The following NIBAN1 variants were observed in gnomAD, a reference collection of about 807,000 sequenced individuals.
NIBAN1 encodes protein Niban 1.
Under a neutral mutation model 75.1 loss-of-function variants are expected in NIBAN1, and 81 were observed. The ratio of observed to expected loss-of-function variants is 1.08; its 90% CI spans 0.90 to 1.30. NIBAN1 has a LOEUF of 1.30. NIBAN1 is among the 50% of genes most tolerant of loss of function. NIBAN1 has a pLI of 0.00. For missense variants in NIBAN1, 1,133 were observed against 1,128.1 expected, an observed-to-expected ratio of 1.00 and a Z score of -0.06; for synonymous variants, 436 against 424.8, an observed-to-expected ratio of 1.03 and a Z score of -0.32.
intron 6 of NIBAN1, among the ~76,000 whole-genome samples, chr1:184,829,301 C>T (rs1654930622): frequency 6.6e-6 from 1 of 152,088 alleles, no homozygotes; most frequent in African/African-American, 2.4e-5. Flanking sequence ...CACATATGTG[C>T]CTTGTCTTCT....
At chr1:184,944,584 A>G (rs1394386635) in intron 1 of NIBAN1, among the ~76,000 whole-genome samples, 2 of 152,254 alleles carry the variant, frequency 1.3e-5, no homozygotes, top group East Asian at 3.8e-4. Flanking sequence ...TGTCATGAGG[A>G]CAAGAACATC....
At chr1:184,808,332 A>G in intron 9 of NIBAN1, 97 bp from the exon 10 acceptor site, 1 of 1,243,816 alleles carries the variant, frequency 8.0e-7, no homozygotes, top group Non-Finnish European at 1.1e-6. Flanking sequence ...AATCAAATGC[A>G]AGTTGTTAAA....
intron 1 of NIBAN1, among the ~76,000 whole-genome samples, chr1:184,935,473 C>G (rs890048445): frequency 6.6e-6 from 1 of 151,902 alleles, no homozygotes; most frequent in Non-Finnish European, 1.5e-5. Flanking sequence ...GTGCCACTGC[C>G]CTCCAGCCAG....
In NIBAN1 at chr1:184,795,009, C is replaced by G. The variant is rs767487710; in HGVS notation, c.2755G>C (p.Glu919Gln). Reference protein sequence around the residue: ...DDVKEGEGGQESFPELPSEE With the variant: ...DDVKEGEGGQQSFPELPSEE ...TCTGAGGGCAGCTCTGGGAAACTCT[C>G]CTGACCACCTTCTCCCTCCTTCACG... The change falls in exon 14 of 14, where the codon GAG becomes CAG. Residue 919 changes from glutamate (E) to glutamine (Q), a missense_variant. Transcript: ENST00000367511. 1 of 1,612,486 alleles carries G rather than the reference C, an allele frequency of 6.2e-7. No individual in the cohort carries two copies. The highest frequency in any genetic ancestry group is 8.5e-7 in the Non-Finnish European group (1 of 1,180,034).
At chr1:184,958,290 G>A (rs1199126419) in intron 1 of NIBAN1, among the ~76,000 whole-genome samples, 5 of 151,544 alleles carry the variant, frequency 3.3e-5, no homozygotes, top group South Asian at 2.1e-4. Context: ...CATGAGAATC[G>A]CTTGAAGCTG....
At chr1:184,961,041 C>T (rs1194573454) in intron 1 of NIBAN1, among the ~76,000 whole-genome samples, 1 of 148,188 alleles carries the variant, frequency 6.7e-6, no homozygotes, top group Non-Finnish European at 1.5e-5. Flanking sequence ...CCCTCCTCCC[C>T]CTTCTATATG....
rs1291340319 is a variant in NIBAN1 at position 184,800,151 on chromosome 1, C to T, written c.1555-1961G>A. ...CATTTTTTCATGTGTTTTTTGGCTGCATAAATGTCTTCTTTTGAGAAGTGT... is the reference window on the plus strand; with the variant it reads ...CATTTTTTCATGTGTTTTTTGGCTGTATAAATGTCTTCTTTTGAGAAGTGT... On this transcript the variant is annotated intron_variant, in intron 12 of 13. Transcript: ENST00000367511. 2.6e-4 allele frequency among the ~76,000 whole-genome samples: 40 copies of T among 151,210 alleles called. No homozygotes were observed. The East Asian group carries it at 4.9e-3, about 18-fold the overall frequency.
intron 1 of NIBAN1, among the ~76,000 whole-genome samples, chr1:184,973,744 G>T (rs759751363): frequency 7.2e-5 from 11 of 152,212 alleles, no homozygotes. Flanking sequence ...CCCTCTCCGG[G>T]GCGGGAAGGG....
rs577102120 is a variant in NIBAN1, at chr1:184,926,136, G to A, written c.56-26827C>T. Among the ~76,000 whole-genome samples, 28 of 151,528 alleles carry A rather than the reference G, an allele frequency of 1.8e-4. No individual in the cohort carries two copies. The South Asian group carries it at 1.9e-3, about 10-fold the overall frequency. ...ATACAAGGTATTTTTTTTTTCCTTCGGTACTTGAAATATGTCATGCTACTT... is the reference window on the plus strand; with the variant it reads ...ATACAAGGTATTTTTTTTTTCCTTCAGTACTTGAAATATGTCATGCTACTT... On this transcript the variant is annotated intron_variant, in intron 1 of 13. Coordinates refer to ENST00000367511, the MANE Select transcript of NIBAN1 (RefSeq NM_052966.4).
intron 1 of NIBAN1, among the ~76,000 whole-genome samples, chr1:184,926,221 C>A (rs932866983): frequency 2.0e-5 from 3 of 152,024 alleles, no homozygotes; most frequent in Non-Finnish European, 4.4e-5. Context: ...GGAGCTCCAT[C>A]GTATGTTTTT....
chr1:184,923,691 C>T (rs1657614742), intron 1 of NIBAN1, among the ~76,000 whole-genome samples: 2 of 152,086 alleles, frequency 1.3e-5, no homozygotes, highest in Admixed American at 1.3e-4. Context: ...TTAATAATTC[C>T]AACCCATGAA....
chr1:184,919,624 A>C (rs1657476936), intron 1 of NIBAN1, among the ~76,000 whole-genome samples: 2 of 152,122 alleles, frequency 1.3e-5, no homozygotes, highest in South Asian at 4.1e-4. Flanking sequence ...AAAAGAAATG[A>C]GCTGCTTTGT....
chr1:184,966,547 A>T (rs1658789268), intron 1 of NIBAN1, among the ~76,000 whole-genome samples: 1 of 152,242 alleles, frequency 6.6e-6, no homozygotes, highest in African/African-American at 2.4e-5. Context: ...TCTTTGAGGT[A>T]GTTATAAATA....
rs952205101 is a variant in NIBAN1, at chr1:184,823,581, G to A, written c.822+57C>T. ...CAACAACAAATGCCCTAAAAGAAAA[G>A]GGAAGAGAATGTTCCCATTTTGAGT... On this transcript the variant is annotated intron_variant, in intron 7 of 13. Transcript: ENST00000367511. The A allele has an allele frequency of 1.8e-5, 28 of 1,569,714 alleles. No individual in the cohort carries two copies. The Admixed American group carries it at 4.4e-4, about 24-fold the overall frequency.
rs1389408961 is a variant in NIBAN1 at position 184,865,569 on chromosome 1, A to G, written c.601+19064T>C. ...GCATCACACAGTATACCAATGTAACAAATCTGCACACGTACCCCCAAATCT... is the reference window on the plus strand; with the variant it reads ...GCATCACACAGTATACCAATGTAACGAATCTGCACACGTACCCCCAAATCT... On this transcript the variant is annotated intron_variant, in intron 5 of 13. Coordinates refer to ENST00000367511, the MANE Select transcript of NIBAN1 (RefSeq NM_052966.4). Among the ~76,000 whole-genome samples, 4 of 152,168 alleles carry G rather than the reference A, an allele frequency of 2.6e-5. No individual in the cohort carries two copies. The East Asian group carries it at 7.7e-4, about 29-fold the overall frequency.
chr1:184,888,136 C>T, intron 4 of NIBAN1: 1 of 152,388 alleles, frequency 6.6e-6, no homozygotes, highest in African/African-American at 2.4e-5. Context: ...CTACAGTGAG[C>T]CATGATCACA....
chr1:184,906,208 T>C (rs1657097989), intron 1 of NIBAN1, among the ~76,000 whole-genome samples: 1 of 151,960 alleles, frequency 6.6e-6, no homozygotes, highest in Admixed American at 6.6e-5. Context: ...CAGTGAGCTG[T>C]GATCACACCA....
chr1:184,868,060 G>A (rs1557893535), intron 5 of NIBAN1: 1 of 985,416 alleles, frequency 1.0e-6, no homozygotes, highest in South Asian at 4.7e-5. Flanking sequence ...CCACCAGAAA[G>A]GAACTTGGCA....
chr1:184,917,800 G>A (rs1657434260), intron 1 of NIBAN1, among the ~76,000 whole-genome samples: 1 of 151,974 alleles, frequency 6.6e-6, no homozygotes, highest in South Asian at 2.1e-4. Flanking sequence ...ACCCACACAT[G>A]CATTCAAGTC....
Sources: gnomAD v4.1 joint callset for allele counts (sites outside exome capture counted in the v4.1 genomes callset) on GRCh38, gnomAD v4.1.1 for gene constraint, MANE v1.5 for transcripts, NCBI Gene and HGNC (gene_info 2026-07-23, HGNC 2026-07-21) for gene names.